UBR1: variants seen among roughly 807,000 people sequenced by gnomAD.
UBR1 encodes the protein ubiquitin protein ligase E3 component n-recognin 1, also known as E3 ubiquitin-protein ligase UBR1.
A neutral mutation model predicts 242.1 loss-of-function variants in UBR1; 102 were observed. The observed-to-expected ratio is 0.42, with a 90% confidence interval of 0.36 to 0.50. The LOEUF (loss-of-function observed/expected upper bound fraction) is 0.50, where lower values mean the gene tolerates loss of function less well. Among genes scored for constraint, UBR1 ranks in the 20% least tolerant of loss-of-function variants. UBR1 has a pLI of 0.01. For synonymous variants in UBR1, 675 were observed against 684.8 expected (o/e 0.99, Z 0.22); for missense variants, 1,772 against 2,101.8 (o/e 0.84, Z 3.07).
chr15:42,991,501 C>A (rs1184600049), intron 33 of UBR1, among the ~76,000 whole-genome samples: 1 of 151,946 alleles, frequency 6.6e-6, no homozygotes, highest in Admixed American at 6.6e-5. Flanking sequence ...GCAAATTTGT[C>A]TTTCACCAAA....
chr15:43,002,766 T>C, intron 31 of UBR1, 62 bp from the exon 32 acceptor site: 1 of 1,606,668 alleles, frequency 6.2e-7, no homozygotes, highest in Non-Finnish European at 8.5e-7. Flanking sequence ...CATGTGTATC[T>C]CTACTTGCTC....
chr15:42,985,746 T>C (rs527937956), intron 35 of UBR1, among the ~76,000 whole-genome samples: 2 of 150,744 alleles, frequency 1.3e-5, no homozygotes, highest in African/African-American at 2.4e-5. Flanking sequence ...CCCTGGACTT[T>C]GGGTGGGTGA....
intron 33 of UBR1, among the ~76,000 whole-genome samples, chr15:42,993,996 G>T (rs183937589): frequency 3.9e-5 from 6 of 152,044 alleles, no homozygotes; most frequent in African/African-American, 1.4e-4. Flanking sequence ...CATACTCCAT[G>T]GATTTGATCT....
At chr15:43,071,024 A>G in intron 4 of UBR1, 99 bp from the exon 5 acceptor site, 2 of 1,464,504 alleles carry the variant, frequency 1.4e-6, no homozygotes, top group Non-Finnish European at 1.9e-6. Flanking sequence ...TGCTGAATTC[A>G]TTACAACATC....
rs1057222777 is a variant in UBR1, at chr15:43,056,520, C to T, written c.1183-78G>A. The stretch of plus-strand genomic sequence containing the variant: ...AAAATCCCAATTTTAATAACTGCTG[C>T]AGGTTTGTTTCTATCTATAAAATGT... On this transcript the variant is annotated intron_variant, in intron 10 of 46. Coordinates refer to ENST00000290650, the MANE Select transcript of UBR1 (RefSeq NM_174916.3). The T allele has an allele frequency of 3.6e-5, 35 of 964,700 alleles. No individual in the cohort carries two copies. In the East Asian group the frequency reaches 8.4e-4, roughly 23 times the overall value. 59.8% of individuals were successfully genotyped at this position (964,700 alleles called of 1,614,324 possible). A position where few individuals can be genotyped will look rare whatever the true frequency, so the allele number is the denominator to read the frequency against.
chr15:42,978,067 T>G (rs986174907), intron 37 of UBR1, 120 bp from the exon 38 acceptor site: 37 of 756,732 alleles, frequency 4.9e-5, no homozygotes, highest in Non-Finnish European at 8.4e-5. Context: ...CAGAAACTAA[T>G]ACATCACACC....
At chr15:42,961,124 T>TG (rs2032010460) in intron 42 of UBR1, among the ~76,000 whole-genome samples, 6 of 151,448 alleles carry the variant, frequency 4.0e-5, no homozygotes, top group Admixed American at 2.0e-4. Flanking sequence ...TTTTTTTTTT[T>TG]TTTTGTTTTG....
chr15:42,996,110 G>C (rs12324352), intron 33 of UBR1, among the ~76,000 whole-genome samples: 1 of 152,052 alleles, frequency 6.6e-6, no homozygotes, highest in East Asian at 1.9e-4. Context: ...AGGTCAAATC[G>C]AATCTCATTT....
intron 45 of UBR1, 154 bp from the exon 46 acceptor site, chr15:42,950,517 T>G (rs1567105756): frequency 1.5e-6 from 1 of 671,704 alleles, no homozygotes; most frequent in East Asian, 2.7e-5. Flanking sequence ...AAATTATGTT[T>G]TGTCTAAATA....
At chr15:43,059,996 C>T (rs909158039) in intron 7 of UBR1, 56 bp downstream of exon 7, 17 of 1,595,306 alleles carry the variant, frequency 1.1e-5, no homozygotes, top group African/African-American at 4.0e-5. Flanking sequence ...TACTTGGGCT[C>T]TTGTAATGTA....
At chr15:43,073,341 T>C (rs1262193079) in intron 4 of UBR1, among the ~76,000 whole-genome samples, 3 of 152,204 alleles carry the variant, frequency 2.0e-5, no homozygotes, top group Non-Finnish European at 4.4e-5. Context: ...ATGTAAATAC[T>C]GTTCCTCATC....
At chr15:42,961,418 T>G in intron 42 of UBR1, among the ~76,000 whole-genome samples, 1 of 150,050 alleles carries the variant, frequency 6.7e-6, no homozygotes, top group Non-Finnish European at 1.5e-5. Flanking sequence ...CTGGCCTATG[T>G]TCCTCTTTTT....
rs538401067 is a variant in UBR1 at position 43,021,017 on chromosome 15, G to T, written c.2940+258C>A. 7 of 379,808 alleles carry T rather than the reference G, an allele frequency of 1.8e-5. No homozygotes were observed. The East Asian group carries it at 4.2e-4, about 23-fold the overall frequency. The allele number at this position is 379,808 out of a possible 1,614,324, so 23.5% of individuals were successfully genotyped here. A position where few individuals can be genotyped will look rare whatever the true frequency, so the allele number is the denominator to read the frequency against. On this transcript the variant is annotated intron_variant, in intron 27 of 46. Coordinates refer to ENST00000290650, the MANE Select transcript of UBR1 (RefSeq NM_174916.3). The stretch of plus-strand genomic sequence containing the variant: ...CACCTTGTCTGCCTTGTTCCATCTA[G>T]AAATCTATAAGTGAGCATGGCACAT...
At position 43,106,031 on chromosome 15, in the gene UBR1, A is replaced by C. The variant is rs1379165337; in HGVS notation, c.-9T>G. On this transcript the variant is annotated 5_prime_UTR_variant, in exon 1 of 47. Coordinates refer to ENST00000290650, the MANE Select transcript of UBR1 (RefSeq NM_174916.3). ...GCCTCCTCGTCCGCCATCTTGAGGG[A>C]AACTGACGCCTGCAGTTGCCGACCC... 1 of 1,609,032 alleles carries C rather than the reference A, an allele frequency of 6.2e-7. No individual in the cohort carries two copies. Among genetic ancestry groups the C allele is most frequent in the Non-Finnish European group, 8.5e-7 (1 of 1,177,772 alleles).
chr15:43,032,760 T>C, intron 19 of UBR1, 129 bp from the exon 20 acceptor site: 1 of 600,472 alleles, frequency 1.7e-6, no homozygotes. Flanking sequence ...TTTTTTTGTA[T>C]GTGTGCACAG....
intron 6 of UBR1, 136 bp downstream of exon 6, chr15:43,067,762 C>A (rs2033771798): frequency 1.1e-6 from 1 of 884,876 alleles, no homozygotes; most frequent in Non-Finnish European, 1.7e-6. Flanking sequence ...AAGTTCTAAC[C>A]AATTTACCTA....
intron 27 of UBR1, among the ~76,000 whole-genome samples, chr15:43,020,612 A>G (rs1007677993): frequency 1.3e-5 from 2 of 152,162 alleles, no homozygotes; most frequent in Non-Finnish European, 2.9e-5. Context: ...AAATCCTCCA[A>G]TATTTTCCCA....
intron 44 of UBR1, among the ~76,000 whole-genome samples, chr15:42,955,082 C>T (rs770471706): frequency 6.6e-5 from 10 of 152,140 alleles, no homozygotes; most frequent in Non-Finnish European, 1.5e-4. Context: ...CAGAGAATTG[C>T]TTGAACCCAG....
chr15:43,016,947 A>C (rs2033033653), intron 28 of UBR1, 148 bp downstream of exon 28: 2 of 666,182 alleles, frequency 3.0e-6, no homozygotes, highest in Admixed American at 4.6e-5. Flanking sequence ...ACAATATAGA[A>C]GCATAATGAA....
Sources: gnomAD v4.1 joint callset for allele counts (sites outside exome capture counted in the v4.1 genomes callset) on GRCh38, gnomAD v4.1.1 for gene constraint, MANE v1.5 for transcripts, NCBI Gene and HGNC (gene_info 2026-07-23, HGNC 2026-07-21) for gene names.